The following SENP2 variants were observed in gnomAD, a reference collection of about 807,000 sequenced individuals.
The protein encoded by SENP2 is SUMO specific peptidase 2, also known as sentrin-specific protease 2.
A neutral mutation model predicts 86.3 loss-of-function variants in SENP2; 16 were observed. The observed-to-expected ratio is 0.19, with a 90% CI of 0.13 to 0.28. The LOEUF is 0.28. Among genes scored for constraint, SENP2 ranks in the 10% least tolerant of loss-of-function variants. SENP2 has a pLI of 1.00. For synonymous variants in SENP2, 222 were observed against 238.7 expected (o/e 0.93, Z 0.64); for missense variants, 552 against 703.0 (o/e 0.79, Z 2.43).
Position 185,611,642 on chromosome 3 carries a change from G to A in SENP2, c.723-9G>A, listed in dbSNP as rs1205043193. 7 of 1,598,920 alleles carry A rather than the reference G, an allele frequency of 4.4e-6. No individual in the cohort carries two copies. Among genetic ancestry groups the A allele is most frequent in the Non-Finnish European group, 6.0e-6 (7 of 1,168,262 alleles). ...GTATCTGATCTCCCTCACTTTTTGT[G>A]TTTCTAAGTTCTCAAAGAAGTCAGA... On this transcript the variant is annotated splice_polypyrimidine_tract_variant and intron_variant, in intron 7 of 16. Transcript: ENST00000296257.
chr3:185,621,386 C>CTTTTTTTTTTTTTTTTTT (rs1220771289), intron 13 of SENP2, among the ~76,000 whole-genome samples: 20 of 78,772 alleles, frequency 2.5e-4, no homozygotes, highest in East Asian at 8.0e-4. Context: ...TCTTTTTTTT[C>CTTTTTTTTTTTTTTTTTT]TTTTTTTTTT....
chr3:185,632,681 C>A lies in SENP2; in HGVS notation c.*2837C>A, dbSNP rs1712541887. 1 of 152,180 alleles carries A rather than the reference C, an allele frequency of 6.6e-6. No individual in the cohort carries two copies. Among genetic ancestry groups the A allele is most frequent in the Non-Finnish European group, 1.5e-5 (1 of 68,272 alleles). 9.4% of individuals were successfully genotyped at this position (152,180 alleles called of 1,614,324 possible). On this transcript the variant is annotated 3_prime_UTR_variant, in exon 17 of 17. Transcript: ENST00000296257. ...CTGGGATTACAGGCATGTGCCACCA[C>A]CCCTGGCTAATTTTGTATTTTTAGT...
chr3:185,594,334 C>T (rs1018555858), intron 2 of SENP2, among the ~76,000 whole-genome samples: 1 of 152,070 alleles, frequency 6.6e-6, no homozygotes, highest in African/African-American at 2.4e-5. Flanking sequence ...GGAATCTAAA[C>T]CAAAGGGTAA....
chr3:185,586,298 A>C lies in SENP2; in HGVS notation c.-116A>C. 6.4e-7 allele frequency: 1 copy of C among 1,559,754 alleles called. No homozygotes were observed. Among genetic ancestry groups the C allele is most frequent in the Non-Finnish European group, 8.6e-7 (1 of 1,157,406 alleles). On this transcript the variant is annotated 5_prime_UTR_variant, in exon 1 of 17. Transcript: ENST00000296257. This position sits in a 1 kb window ranked among gnomAD's most constrained non-coding sequence, Gnocchi z 4.3. ...CTGTGGGCTCTTGAATCGCGTCACA[A>C]ATCAGCGACCGAACTCTGGCGGTGG...
intron 4 of SENP2, among the ~76,000 whole-genome samples, chr3:185,599,947 C>T (rs540198747): frequency 1.3e-4 from 19 of 151,674 alleles, no homozygotes; most frequent in Admixed American, 3.3e-4. Flanking sequence ...TACAGGCATG[C>T]GCCACCACCC....
In SENP2 at chr3:185,594,423, C is replaced by T. The variant is rs969218562; in HGVS notation, c.158-3989C>T. ...CCTGCAGTGATAACTGTTGAGCACTCGAAATGTGGCTAGTTCAACTGAGGA... is the reference window on the plus strand; with the variant it reads ...CCTGCAGTGATAACTGTTGAGCACTTGAAATGTGGCTAGTTCAACTGAGGA... On this transcript the variant is annotated intron_variant, in intron 2 of 16. Transcript: ENST00000296257. 5.9e-5 allele frequency among the ~76,000 whole-genome samples: 9 copies of T among 151,998 alleles called. 1 individual carries two copies. Among genetic ancestry groups the T allele is most frequent in the Non-Finnish European group, 1.2e-4 (8 of 68,032 alleles).
At chr3:185,611,791 C>T (rs1222679782) in intron 8 of SENP2, 46 bp downstream of exon 8, 1 of 1,301,668 alleles carries the variant, frequency 7.7e-7, no homozygotes, top group Non-Finnish European at 1.1e-6. Context: ...GACCTTAGTT[C>T]ATGCTACAGT....
chr3:185,610,973 ATAAT>A (rs1282469211), intron 7 of SENP2, among the ~76,000 whole-genome samples: 7 of 147,400 alleles, frequency 4.7e-5, no homozygotes, highest in Non-Finnish European at 7.5e-5. Flanking sequence ...AAATAAATAA[ATAAT>A]TAAAGTTCCT....
At chr3:185,597,497 C>T (rs942446370) in intron 2 of SENP2, among the ~76,000 whole-genome samples, 2 of 150,744 alleles carry the variant, frequency 1.3e-5, no homozygotes, top group Admixed American at 6.6e-5. Context: ...GGACTATAGT[C>T]GTGCACCACC....
rs367863848 is a variant in SENP2 at position 185,629,859 on chromosome 3, G to A, written c.*15G>A. On this transcript the variant is annotated 3_prime_UTR_variant, in exon 17 of 17. Transcript: ENST00000296257. ...AGTTGCTGTGAGAAAACTTTGCCTG[G>A]TCCCTCTAGCTGCTGGTGGTTCTTT... 6.2e-6 allele frequency: 10 copies of A among 1,613,378 alleles called. No individual in the cohort carries two copies. The African/African-American group carries it at 1.2e-4, about 19-fold the overall frequency.
intron 4 of SENP2, among the ~76,000 whole-genome samples, chr3:185,600,197 T>C (rs1722299805): frequency 6.6e-6 from 1 of 152,222 alleles, no homozygotes; most frequent in Admixed American, 6.5e-5. Context: ...TTGTTTACCG[T>C]TAAGATTGAC....
At chr3:185,607,066 C>CT (rs2148987471) in intron 6 of SENP2, among the ~76,000 whole-genome samples, 1 of 151,270 alleles carries the variant, frequency 6.6e-6, no homozygotes, top group South Asian at 2.1e-4. Flanking sequence ...ACTGCAACCT[C>CT]TGTCTCCCAC....
At chr3:185,623,434 C>T (rs1008277643) in intron 14 of SENP2, among the ~76,000 whole-genome samples, 30 of 152,174 alleles carry the variant, frequency 2.0e-4, no homozygotes, top group Admixed American at 5.9e-4. Flanking sequence ...CCACCGCACC[C>T]GGCCTATGTT....
In SENP2 at chr3:185,626,465, A is replaced by G; in HGVS notation, c.1707+72A>G. The G allele has an allele frequency of 3.0e-6, 3 of 1,012,594 alleles. No individual in the cohort carries two copies. The South Asian group carries it at 4.1e-5, about 14-fold the overall frequency. The allele number at this position is 1,012,594 out of a possible 1,614,324, so 62.7% of individuals were successfully genotyped here. A position where few individuals can be genotyped will look rare whatever the true frequency, so the allele number is the denominator to read the frequency against. On this transcript the variant is annotated intron_variant, in intron 16 of 16. Coordinates refer to ENST00000296257, the MANE Select transcript of SENP2 (RefSeq NM_021627.3). ...AAGGCACTTGGCCAGTGCCTGGCAC[A>G]CATTCAGCTCTCAATAGTAGTAGCT...
At chr3:185,624,602 G>A (rs187557276) in intron 15 of SENP2, among the ~76,000 whole-genome samples, 9 of 152,116 alleles carry the variant, frequency 5.9e-5, no homozygotes, top group Admixed American at 3.9e-4. Flanking sequence ...TGGGCCAGGC[G>A]CGGTGGCTCA....
At chr3:185,616,683 G>A (rs2148991962) in intron 11 of SENP2, among the ~76,000 whole-genome samples, 1 of 151,336 alleles carries the variant, frequency 6.6e-6, no homozygotes, top group East Asian at 2.0e-4. Context: ...GCTGAGGCAG[G>A]AGAATGGCGT....
At chr3:185,598,249 T>C in intron 2 of SENP2, 163 bp from the exon 3 acceptor site, 1 of 704,028 alleles carries the variant, frequency 1.4e-6, no homozygotes, top group Non-Finnish European at 2.4e-6. Flanking sequence ...CAAGCAATCC[T>C]CCCACCTCAG....
rs116248151 is a variant in SENP2, at chr3:185,612,565, C to T, written c.818-42C>T. The T allele has an allele frequency of 7.3e-4, 1,014 of 1,384,996 alleles. 7 individuals are homozygous for T. The African/African-American group carries it at 0.012, about 17-fold the overall frequency. The allele number at this position is 1,384,996 out of a possible 1,614,324, so 85.8% of individuals were successfully genotyped here. On this transcript the variant is annotated intron_variant, in intron 8 of 16. Transcript: ENST00000296257. Reference sequence around the variant, plus strand: ...CTGAAATTCTAACTATATTATTCATCGATGAAGGAAACATTTAATCTTTTC... The same window carrying T: ...CTGAAATTCTAACTATATTATTCATTGATGAAGGAAACATTTAATCTTTTC...
chr3:185,617,398 C>A, intron 11 of SENP2, 82 bp from the exon 12 acceptor site: 1 of 1,270,306 alleles, frequency 7.9e-7, no homozygotes, highest in Non-Finnish European at 1.1e-6. Context: ...AGATGAAAAA[C>A]TTTTTTCAGT....
Sources: gnomAD v4.1 joint callset for allele counts (sites outside exome capture counted in the v4.1 genomes callset) on GRCh38, gnomAD v4.1.1 for gene constraint, Gnocchi (gnomAD v3.1) non-coding constraint, MANE v1.5 for transcripts, NCBI Gene and HGNC (gene_info 2026-07-23, HGNC 2026-07-21) for gene names.